Variants in EYS observed in about 807,000 individuals in gnomAD.
The protein encoded by EYS is protein eyes shut homolog.
Under a neutral mutation model 282.1 loss-of-function variants are expected in EYS, and 250 were observed. The observed-to-expected ratio is 0.89, with a 90% CI of 0.80 to 0.98. The LOEUF (loss-of-function observed/expected upper bound fraction) is 0.98, where lower values mean the gene tolerates loss of function less well. Ranked by LOEUF, EYS falls within the 50% of genes least tolerant of loss-of-function variation. The pLI is 0.00. For synonymous variants in EYS, 1,355 were observed against 1,282.9 expected (o/e 1.06, Z -1.20); for missense variants, 4,016 against 3,709.0 (o/e 1.08, Z -2.15).
chr6:65,616,425 C>A (rs1297069819), intron 2 of EYS, among the ~76,000 whole-genome samples: 1 of 152,074 alleles, frequency 6.6e-6, no homozygotes, highest in African/African-American at 2.4e-5. Context: ...ACAAGTTAGA[C>A]CAATTTTAAG....
Position 64,640,349 on chromosome 6 carries a change from G to C in EYS, c.3444-14104C>G, listed in dbSNP as rs1264415783. 2.6e-5 allele frequency among the ~76,000 whole-genome samples: 4 copies of C among 151,966 alleles called. No homozygotes were observed. In the East Asian group the frequency reaches 7.7e-4, roughly 29 times the overall value. Reference sequence around the variant, plus strand: ...GTCCAACAATGATAGACTGGATTAAGAAAATGTGGCACATATACACCATGG... The same window carrying C: ...GTCCAACAATGATAGACTGGATTAACAAAATGTGGCACATATACACCATGG... On this transcript the variant is annotated intron_variant, in intron 22 of 42. Transcript: ENST00000503581.
intron 6 of EYS, 68 bp from the exon 7 acceptor site, chr6:65,402,673 T>C: frequency 9.5e-7 from 1 of 1,054,862 alleles, no homozygotes; most frequent in South Asian, 1.4e-5. Context: ...AATGGGTTCT[T>C]ACCTGGAGAA....
chr6:64,348,589 C>G (rs559145146), intron 29 of EYS, among the ~76,000 whole-genome samples: 2 of 151,570 alleles, frequency 1.3e-5, no homozygotes, highest in Non-Finnish European at 3.0e-5. Flanking sequence ...TCTAACTGAG[C>G]AATTATCAAT....
intron 12 of EYS, among the ~76,000 whole-genome samples, chr6:65,286,610 A>G (rs113830147): frequency 0.01 from 1,571 of 151,860 alleles, 30 homozygotes; most frequent in African/African-American, 0.036. Context: ...AGAAATGAAT[A>G]CCAAAAATTC....
chr6:65,502,248 C>T (rs1343584722), intron 2 of EYS, among the ~76,000 whole-genome samples: 1 of 151,710 alleles, frequency 6.6e-6, no homozygotes, highest in Non-Finnish European at 1.5e-5. Context: ...CAAAACAAAA[C>T]ATACTCTTAC....
intron 31 of EYS, among the ~76,000 whole-genome samples, chr6:64,204,789 A>G (rs1765567956): frequency 6.6e-6 from 1 of 152,176 alleles, no homozygotes; most frequent in African/African-American, 2.4e-5. Context: ...GCATTTGTTG[A>G]AATTCATCTA....
chr6:65,704,220 TACA>T (rs1769787999), intron 1 of EYS, among the ~76,000 whole-genome samples: 1 of 152,196 alleles, frequency 6.6e-6, no homozygotes, highest in Non-Finnish European at 1.5e-5. Context: ...AGCTCACAAA[TACA>T]GTGCATAGCA....
chr6:64,024,702 G>A (rs540099783), intron 33 of EYS, among the ~76,000 whole-genome samples: 8 of 152,148 alleles, frequency 5.3e-5, no homozygotes, highest in Admixed American at 1.3e-4. Context: ...CTCACCGGGA[G>A]GAATGAACAA....
intron 5 of EYS, among the ~76,000 whole-genome samples, chr6:65,468,482 G>GTTAT (rs200286337): frequency 1.8e-4 from 27 of 151,884 alleles, no homozygotes; most frequent in East Asian, 5.8e-4. Context: ...AGCCTTTAAA[G>GTTAT]TTATTTATTT....
At chr6:65,582,471 T>A (rs906778275) in intron 2 of EYS, among the ~76,000 whole-genome samples, 1 of 152,122 alleles carries the variant, frequency 6.6e-6, no homozygotes, top group Non-Finnish European at 1.5e-5. Context: ...AGACTAGTTT[T>A]CAAAGAACAA....
At chr6:65,271,893 A>G (rs1340973529) in intron 12 of EYS, among the ~76,000 whole-genome samples, 2 of 152,096 alleles carry the variant, frequency 1.3e-5, no homozygotes, top group African/African-American at 4.8e-5. Context: ...ACCAGTCAAA[A>G]CATAAAATTC....
chr6:65,056,800 TGTG>T (rs1004213822), intron 13 of EYS, among the ~76,000 whole-genome samples: 2 of 152,070 alleles, frequency 1.3e-5, no homozygotes, highest in Non-Finnish European at 2.9e-5. Flanking sequence ...TGGCAGACAT[TGTG>T]GTATTTAAAT....
At chr6:65,070,800 C>T (rs942468824) in intron 12 of EYS, among the ~76,000 whole-genome samples, 1 of 151,794 alleles carries the variant, frequency 6.6e-6, no homozygotes, top group Non-Finnish European at 1.5e-5. Context: ...CTGTATCTCC[C>T]ACTCAACTGT....
At chr6:65,493,411 T>C (rs1582374044) in intron 4 of EYS, among the ~76,000 whole-genome samples, 1 of 152,356 alleles carries the variant, frequency 6.6e-6, no homozygotes, top group East Asian at 1.9e-4. Context: ...CAATCTGCTG[T>C]TTTCGTATAC....
chr6:65,256,462 T>C (rs1432930887), intron 12 of EYS, among the ~76,000 whole-genome samples: 1 of 131,680 alleles, frequency 7.6e-6, no homozygotes, highest in East Asian at 2.2e-4. Flanking sequence ...ATATTCCCCT[T>C]CCTGTGTCCA....
intron 41 of EYS, among the ~76,000 whole-genome samples, chr6:63,751,467 G>T (rs1054081006): frequency 1.3e-5 from 2 of 152,134 alleles, no homozygotes; most frequent in African/African-American, 2.4e-5. Flanking sequence ...AAGTGCATAT[G>T]ATTTTATGTT....
intron 26 of EYS, among the ~76,000 whole-genome samples, chr6:64,482,532 G>C (rs1179395852): frequency 2.6e-5 from 4 of 151,520 alleles, no homozygotes; most frequent in Non-Finnish European, 5.9e-5. Flanking sequence ...CAGTTTAATG[G>C]ACATAGTAGT....
At chr6:64,429,197 T>C (rs895806101) in intron 28 of EYS, among the ~76,000 whole-genome samples, 1 of 152,224 alleles carries the variant, frequency 6.6e-6, no homozygotes, top group Admixed American at 6.5e-5. Context: ...GTTAGATTAA[T>C]TTCAGTAATT....
chr6:64,704,929 G>T (rs903791107), intron 22 of EYS, among the ~76,000 whole-genome samples: 2 of 152,028 alleles, frequency 1.3e-5, no homozygotes, highest in Non-Finnish European at 2.9e-5. Context: ...AGACAAGGAT[G>T]CCCACTCTCA....
Sources: gnomAD v4.1 joint callset for allele counts (sites outside exome capture counted in the v4.1 genomes callset) on GRCh38, gnomAD v4.1.1 for gene constraint, MANE v1.5 for transcripts, NCBI Gene and HGNC (gene_info 2026-07-23, HGNC 2026-07-21) for gene names.